SMYD3: variants seen among roughly 807,000 people sequenced by gnomAD.
SMYD3 encodes histone-lysine N-methyltransferase SMYD3.
A neutral mutation model predicts 57.7 loss-of-function variants in SMYD3; 36 were observed. That is an observed-to-expected ratio of 0.62 (90% confidence interval 0.48 to 0.82). The LOEUF (loss-of-function observed/expected upper bound fraction) is 0.82, where lower values mean the gene tolerates loss of function less well. Among genes scored for constraint, SMYD3 ranks in the 40% least tolerant of loss-of-function variants. The probability of loss-of-function intolerance (pLI) is 0.00; values close to 1 mark genes in which losing one functional copy is unlikely to be tolerated. For synonymous variants in SMYD3, 211 were observed against 195.0 expected (o/e 1.08, Z -0.68); for missense variants, 515 against 538.8 (o/e 0.96, Z 0.44).
chr1:246,378,624 T>G (rs1008382273), intron 1 of SMYD3, among the ~76,000 whole-genome samples: 13 of 130,860 alleles, frequency 9.9e-5, no homozygotes, highest in Non-Finnish European at 1.4e-4. Flanking sequence ...GAGTTAATAC[T>G]TAATAATCTC....
chr1:246,039,043 C>T (rs2059825055), intron 5 of SMYD3, among the ~76,000 whole-genome samples: 2 of 152,132 alleles, frequency 1.3e-5, no homozygotes, highest in Non-Finnish European at 1.5e-5. Flanking sequence ...ATTTTAAAGT[C>T]ACAATTTCCT....
At chr1:245,876,757 C>T (rs1445613140) in intron 8 of SMYD3, among the ~76,000 whole-genome samples, 1 of 152,188 alleles carries the variant, frequency 6.6e-6, no homozygotes, top group African/African-American at 2.4e-5. Flanking sequence ...GTGGCCTCAG[C>T]TTACATTCCA....
At chr1:246,251,477 T>C (rs1426956076) in intron 5 of SMYD3, among the ~76,000 whole-genome samples, 18 of 111,468 alleles carry the variant, frequency 1.6e-4, no homozygotes, top group Admixed American at 1.5e-3. Context: ...AGTAGGTGCC[T>C]CGGACACTGT....
At chr1:246,357,254 G>T (rs2065922352) in intron 1 of SMYD3, among the ~76,000 whole-genome samples, 1 of 152,124 alleles carries the variant, frequency 6.6e-6, no homozygotes, top group Non-Finnish European at 1.5e-5. Flanking sequence ...GTACCCTGCT[G>T]ATAAAACAGG....
chr1:245,772,059 C>T (rs764561645), intron 10 of SMYD3, among the ~76,000 whole-genome samples: 3 of 152,124 alleles, frequency 2.0e-5, no homozygotes, highest in Non-Finnish European at 2.9e-5. Context: ...AGATCAGGGC[C>T]GTGAATTCTT....
rs553286031 is a variant in SMYD3, at chr1:246,362,052, G to A, written c.165-6958C>T. Among the ~76,000 whole-genome samples, 19 of 151,880 alleles carry A rather than the reference G, an allele frequency of 1.3e-4. No homozygotes were observed. The South Asian group carries it at 3.3e-3, about 27-fold the overall frequency. On this transcript the variant is annotated intron_variant, in intron 1 of 11. Transcript: ENST00000490107. ...TGCTGTGGTACGCACCCCCAGCACCGCCCCCACAAAAAAATGTCCTTTTTA... is the reference window on the plus strand; with the variant it reads ...TGCTGTGGTACGCACCCCCAGCACCACCCCCACAAAAAAATGTCCTTTTTA...
At chr1:246,346,605 G>C (rs959566724) in intron 2 of SMYD3, among the ~76,000 whole-genome samples, 1 of 152,108 alleles carries the variant, frequency 6.6e-6, no homozygotes, top group African/African-American at 2.4e-5. Flanking sequence ...CAGCAAAGCA[G>C]GAAGCCCCTT....
intron 1 of SMYD3, among the ~76,000 whole-genome samples, chr1:246,437,779 G>A (rs544102831): frequency 6.6e-6 from 1 of 152,174 alleles, no homozygotes; most frequent in Non-Finnish European, 1.5e-5. Context: ...TTTTCCAGCT[G>A]TTGTTATATC....
At chr1:246,018,282 A>G (rs1235993260) in intron 5 of SMYD3, among the ~76,000 whole-genome samples, 2 of 152,110 alleles carry the variant, frequency 1.3e-5, no homozygotes, top group Non-Finnish European at 2.9e-5. Context: ...TTTCCAAAAC[A>G]ACCAGCCGTG....
At chr1:246,107,132 A>C (rs2147962084) in intron 5 of SMYD3, among the ~76,000 whole-genome samples, 1 of 142,600 alleles carries the variant, frequency 7.0e-6, no homozygotes, top group East Asian at 2.3e-4. Flanking sequence ...CTAAAAATAC[A>C]AAAAATTAGC....
chr1:246,401,312 C>T (rs1364853431), intron 1 of SMYD3, among the ~76,000 whole-genome samples: 1 of 152,090 alleles, frequency 6.6e-6, no homozygotes, highest in Middle Eastern at 3.2e-3. Flanking sequence ...GCCTGGGCAA[C>T]ACAGCAAGAC....
intron 10 of SMYD3, among the ~76,000 whole-genome samples, chr1:245,851,941 G>A (rs2050995981): frequency 6.6e-6 from 1 of 152,178 alleles, no homozygotes; most frequent in South Asian, 2.1e-4. Context: ...CAGCATGTTG[G>A]AAGCAATGAA....
chr1:245,845,115 C>T (rs2050599446), intron 10 of SMYD3, among the ~76,000 whole-genome samples: 1 of 152,086 alleles, frequency 6.6e-6, no homozygotes, highest in Non-Finnish European at 1.5e-5. Flanking sequence ...GAATCCCTTC[C>T]ATATTTGATA....
At chr1:245,999,688 T>G (rs1572868094) in intron 5 of SMYD3, among the ~76,000 whole-genome samples, 1 of 152,102 alleles carries the variant, frequency 6.6e-6, no homozygotes, top group Non-Finnish European at 1.5e-5. Context: ...GAAAGAGAGA[T>G]AAAGACTAAT....
chr1:245,848,476 G>A (rs930874477), intron 10 of SMYD3, among the ~76,000 whole-genome samples: 1 of 151,964 alleles, frequency 6.6e-6, no homozygotes, highest in Non-Finnish European at 1.5e-5. Context: ...GGAGCATGTG[G>A]TGGTTCCCTG....
chr1:246,001,134 C>T (rs993196585), intron 5 of SMYD3, among the ~76,000 whole-genome samples: 1 of 152,214 alleles, frequency 6.6e-6, no homozygotes, highest in South Asian at 2.1e-4. Flanking sequence ...GGCCAACAGA[C>T]AGAACCATAT....
intron 5 of SMYD3, among the ~76,000 whole-genome samples, chr1:245,986,314 G>C (rs909233152): frequency 1.3e-5 from 2 of 152,202 alleles, no homozygotes; most frequent in Non-Finnish European, 2.9e-5. Flanking sequence ...CTAGTCATTA[G>C]AAGAATGAAG....
At chr1:246,423,134 T>C (rs1353211854) in intron 1 of SMYD3, among the ~76,000 whole-genome samples, 1 of 151,668 alleles carries the variant, frequency 6.6e-6, no homozygotes, top group Non-Finnish European at 1.5e-5. Flanking sequence ...CTGTCTCTTC[T>C]AAAAATACAA....
At chr1:246,140,925 G>A (rs899653627) in intron 5 of SMYD3, among the ~76,000 whole-genome samples, 8 of 152,104 alleles carry the variant, frequency 5.3e-5, no homozygotes, top group African/African-American at 1.7e-4. Context: ...TGCACATCAC[G>A]GTCACTGGCT....
Sources: gnomAD v4.1 joint callset for allele counts (sites outside exome capture counted in the v4.1 genomes callset) on GRCh38, gnomAD v4.1.1 for gene constraint, MANE v1.5 for transcripts, NCBI Gene and HGNC (gene_info 2026-07-23, HGNC 2026-07-21) for gene names.